Variants in ARHGAP25 observed in about 807,000 individuals in gnomAD.
ARHGAP25 encodes the protein rho GTPase-activating protein 25.
Under a neutral mutation model 71.0 loss-of-function variants are expected in ARHGAP25, and 34 were observed. That is an observed-to-expected ratio of 0.48 (90% CI 0.36 to 0.64). The LOEUF is 0.64. Ranked by LOEUF, ARHGAP25 falls within the 30% of genes least tolerant of loss-of-function variation. The pLI, the probability that ARHGAP25 is intolerant of heterozygous loss-of-function variation, is 0.00. For synonymous variants in ARHGAP25, 282 were observed against 296.5 expected (o/e 0.95, Z 0.50); for missense variants, 706 against 805.1 (o/e 0.88, Z 1.49).
intron 1 of ARHGAP25, among the ~76,000 whole-genome samples, chr2:68,745,591 A>G (rs1035432244): frequency 6.6e-6 from 1 of 152,178 alleles, no homozygotes; most frequent in Non-Finnish European, 1.5e-5. Context: ...ACAGCTGAAC[A>G]TCGCTGGAGA....
chr2:68,759,213 G>T (rs1051613492), intron 1 of ARHGAP25, among the ~76,000 whole-genome samples: 12 of 150,900 alleles, frequency 8.0e-5, no homozygotes, highest in African/African-American at 2.7e-4. Context: ...GCTAGCAGAA[G>T]GAAGGAAATA....
intron 3 of ARHGAP25, among the ~76,000 whole-genome samples, chr2:68,783,146 C>T (rs979887340): frequency 1.3e-5 from 2 of 152,212 alleles, no homozygotes; most frequent in African/African-American, 4.8e-5. Flanking sequence ...TTAGAAGTGT[C>T]CAGTCTGGAG....
intron 4 of ARHGAP25, among the ~76,000 whole-genome samples, chr2:68,803,958 A>G (rs1022732365): frequency 2.0e-5 from 3 of 152,324 alleles, no homozygotes; most frequent in South Asian, 2.1e-4. Flanking sequence ...ATGGTTGTGC[A>G]TGGTCTTTTG....
At chr2:68,744,755 G>A (rs1381636869) in intron 1 of ARHGAP25, among the ~76,000 whole-genome samples, 1 of 152,228 alleles carries the variant, frequency 6.6e-6, no homozygotes, top group African/African-American at 2.4e-5. Context: ...TTTAGAGCCA[G>A]TAGAGAGTGC....
At chr2:68,796,211 G>C (rs1679527375) in intron 4 of ARHGAP25, among the ~76,000 whole-genome samples, 1 of 151,924 alleles carries the variant, frequency 6.6e-6, no homozygotes, top group African/African-American at 2.4e-5. Flanking sequence ...CTATCTTCTT[G>C]GTAAATTTAT....
rs1213473113 is a variant in ARHGAP25, at chr2:68,826,358, G to A, written c.*164G>A. ...AATAAATGAATGGAGTTTGCAGGAA[G>A]GTGAGGGTGAGCAGAGATGTGTGTG... On this transcript the variant is annotated 3_prime_UTR_variant, in exon 11 of 11. Transcript: ENST00000409202. The A allele has an allele frequency of 2.7e-6, 2 of 734,478 alleles. No homozygotes were observed. Among genetic ancestry groups the A allele is most frequent in the Non-Finnish European group, 4.8e-6 (2 of 414,718 alleles). The allele number at this position is 734,478 out of a possible 1,614,324, so 45.5% of individuals were successfully genotyped here.
intron 1 of ARHGAP25, among the ~76,000 whole-genome samples, chr2:68,763,445 T>C (rs918980945): frequency 2.6e-5 from 4 of 152,216 alleles, no homozygotes; most frequent in African/African-American, 9.6e-5. Context: ...TTTTCAGCAA[T>C]ACAGAGCGTT....
intron 1 of ARHGAP25, among the ~76,000 whole-genome samples, chr2:68,774,445 A>C (rs906640360): frequency 6.6e-6 from 1 of 152,246 alleles, no homozygotes; most frequent in African/African-American, 2.4e-5. Context: ...ATGCAGGTTC[A>C]AGGGGCTCTG....
chr2:68,744,637 T>C (rs1288971218), intron 1 of ARHGAP25, among the ~76,000 whole-genome samples: 1 of 152,188 alleles, frequency 6.6e-6, no homozygotes, highest in Non-Finnish European at 1.5e-5. Context: ...ACTTGAGCCA[T>C]AGCCCCTAGA....
chr2:68,797,220 G>T (rs1414767240), intron 4 of ARHGAP25, among the ~76,000 whole-genome samples: 1 of 152,182 alleles, frequency 6.6e-6, no homozygotes, highest in Admixed American at 6.5e-5. Context: ...CTTGATTAGG[G>T]GGTAGAGGAA....
At chr2:68,734,364 G>A (rs759941456), upstream of ARHGAP25, among the ~76,000 whole-genome samples, 1 of 152,158 alleles carries the variant, frequency 6.6e-6, no homozygotes, top group Non-Finnish European at 1.5e-5. Context: ...TGAGTGGGTC[G>A]ACCTAGCTTA....
chr2:68,804,403 C>T (rs1680213273), intron 4 of ARHGAP25, among the ~76,000 whole-genome samples: 1 of 152,166 alleles, frequency 6.6e-6, no homozygotes, highest in Non-Finnish European at 1.5e-5. Context: ...AGAGAATTTT[C>T]CTGATGCTAT....
At chr2:68,725,811 G>A (rs553875357) in intron 2 of ARHGAP25, among the ~76,000 whole-genome samples, 5 of 152,198 alleles carry the variant, frequency 3.3e-5, no homozygotes, top group African/African-American at 1.2e-4. Context: ...CCTCCTTGGG[G>A]TCTCTTGAAG....
In ARHGAP25 at chr2:68,747,175, C is replaced by G. The variant is rs180959770; in HGVS notation, c.61+11915C>G. Among the ~76,000 whole-genome samples, 209 of 152,158 alleles carry G rather than the reference C, an allele frequency of 1.4e-3. 1 individual carries two copies. Among genetic ancestry groups the G allele is most frequent in the Admixed American group, 3.1e-3 (48 of 15,290 alleles). On this transcript the variant is annotated intron_variant, in intron 1 of 10. Coordinates refer to ENST00000409202, the MANE Select transcript of ARHGAP25 (RefSeq NM_001007231.3). ...AGCATTTGACACAATCAGGCATTTT[C>G]TCCTTGAAAAAAAATTTTTTAGACT... is the stretch of plus-strand genomic sequence containing the variant.
chr2:68,810,244 C>T (rs186459517), intron 5 of ARHGAP25, among the ~76,000 whole-genome samples: 4 of 151,734 alleles, frequency 2.6e-5, no homozygotes, highest in Admixed American at 6.6e-5. Context: ...CTGAGTTAGC[C>T]CTAGTACAAT....
chr2:68,722,846 A>G (rs1261274670), intron 2 of ARHGAP25, among the ~76,000 whole-genome samples: 1 of 152,138 alleles, frequency 6.6e-6, no homozygotes, highest in Non-Finnish European at 1.5e-5. Flanking sequence ...CTTGAGGCAA[A>G]TACGAGTGTC....
chr2:68,735,142 G>T lies in ARHGAP25; in HGVS notation c.-58G>T. On this transcript the variant is annotated 5_prime_UTR_variant, in exon 1 of 11. Coordinates refer to ENST00000409202, the MANE Select transcript of ARHGAP25 (RefSeq NM_001007231.3). Reference sequence around the variant, plus strand: ...AGGGAAAGAGTGAAAAGACAAGAAGGGCGCAAACTGTGACAGACTCACCGC... The same window carrying T: ...AGGGAAAGAGTGAAAAGACAAGAAGTGCGCAAACTGTGACAGACTCACCGC... 2 of 1,407,058 alleles carry T rather than the reference G, an allele frequency of 1.4e-6. No homozygotes were observed. The highest frequency in any genetic ancestry group is 2.0e-6 in the Non-Finnish European group (2 of 992,114). The allele number at this position is 1,407,058 out of a possible 1,614,324, so 87.2% of individuals were successfully genotyped here. A position where few individuals can be genotyped will look rare whatever the true frequency, so the allele number is the denominator to read the frequency against.
chr2:68,816,134 T>C (rs78107572), intron 6 of ARHGAP25, 155 bp from the exon 7 acceptor site: 1 of 671,860 alleles, frequency 1.5e-6, no homozygotes, highest in Non-Finnish European at 2.7e-6. Flanking sequence ...TTATTTCCCT[T>C]TTTTTTTTTA....
rs146219322 is a variant in ARHGAP25 at position 68,741,540 on chromosome 2, A to C, written c.61+6280A>C. Among the ~76,000 whole-genome samples the C allele has an allele frequency of 3.1e-3, 470 of 152,324 alleles. 5 individuals are homozygous for C. The highest frequency in any genetic ancestry group is 0.011 in the African/African-American group (463 of 41,566). Reference sequence around the variant, plus strand: ...GTCTTTGATCAGAGTTTATGTGTTCATTGCAAATAATTTCCATACTTTAAA... The same window carrying C: ...GTCTTTGATCAGAGTTTATGTGTTCCTTGCAAATAATTTCCATACTTTAAA... On this transcript the variant is annotated intron_variant, in intron 1 of 10. Transcript: ENST00000409202.
Sources: gnomAD v4.1 joint callset for allele counts (sites outside exome capture counted in the v4.1 genomes callset) on GRCh38, gnomAD v4.1.1 for gene constraint, MANE v1.5 for transcripts, NCBI Gene and HGNC (gene_info 2026-07-23, HGNC 2026-07-21) for gene names.